Variants in KIR3DL2 observed in about 807,000 individuals in gnomAD.
The protein encoded by KIR3DL2 is killer cell immunoglobulin-like receptor 3DL2.
In KIR3DL2, 42 loss-of-function variants were observed where a neutral mutation model predicts 41.6. The observed-to-expected ratio is 1.01, with a 90% confidence interval of 0.79 to 1.31. KIR3DL2 has a LOEUF of 1.31. Among genes scored for constraint, KIR3DL2 ranks in the 50% most tolerant of loss-of-function variants. The pLI, the probability that KIR3DL2 is intolerant of heterozygous loss-of-function variation, is 0.00. For missense variants in KIR3DL2, 728 were observed against 576.8 expected (o/e 1.26, Z -2.68); for synonymous variants, 230 against 221.3 (o/e 1.04, Z -0.35).
Position 54,856,375 on chromosome 19 carries a change from C to G in KIR3DL2, c.949+463C>G, listed in dbSNP as rs977909022. Among the ~76,000 whole-genome samples the G allele has an allele frequency of 3.3e-5, 5 of 151,780 alleles. 1 individual carries two copies. The highest frequency in any genetic ancestry group is 1.2e-4 in the African/African-American group (5 of 41,112). On this transcript the variant is annotated intron_variant, in intron 5 of 8. Coordinates refer to ENST00000326321, the MANE Select transcript of KIR3DL2 (RefSeq NM_006737.4). ...ACTTTACCATTTTTAAAAGTAAAAT[C>G]TAGTGGTCATAAATACCTTTATATG...
At position 54,855,519 on chromosome 19, in the gene KIR3DL2, C is replaced by T. The variant is rs2064675191; in HGVS notation, c.656-100C>T. The T allele has an allele frequency of 2.0e-6, 3 of 1,463,822 alleles. No individual in the cohort carries two copies. The Admixed American group carries it at 6.7e-5, about 33-fold the overall frequency. 90.7% of individuals were successfully genotyped at this position (1,463,822 alleles called of 1,614,324 possible). Reference sequence around the variant, plus strand: ...GGTGGAGGGTGAGAGAGAGAGAGAGCATTAGGTCATAGAGCAGGGGAGTGA... The same window carrying T: ...GGTGGAGGGTGAGAGAGAGAGAGAGTATTAGGTCATAGAGCAGGGGAGTGA... On this transcript the variant is annotated intron_variant, in intron 4 of 8. Transcript: ENST00000326321.
chr19:54,851,258 G>T lies in KIR3DL2; in HGVS notation c.70+3G>T. 8 of 1,608,624 alleles carry T rather than the reference G, an allele frequency of 5.0e-6. 1 individual carries two copies. In the South Asian group the frequency reaches 8.8e-5, roughly 18 times the overall value. ...GCAGGGGGCCTGGCCACTCATGGGTGAGTCCGTCCCCAAACCTTAGGGTGT... is the reference window on the plus strand; with the variant it reads ...GCAGGGGGCCTGGCCACTCATGGGTTAGTCCGTCCCCAAACCTTAGGGTGT... On this transcript the variant is annotated splice_donor_region_variant and intron_variant, in intron 2 of 8. Transcript: ENST00000326321.
chr19:54,854,283 G>A (rs1183761729), intron 4 of KIR3DL2, among the ~76,000 whole-genome samples: 1 of 151,728 alleles, frequency 6.6e-6, no homozygotes, highest in Non-Finnish European at 1.5e-5. Flanking sequence ...AGAGAAAGAG[G>A]TAAAGGAGAC....
At chr19:54,855,257 T>A (rs1329030620) in intron 4 of KIR3DL2, among the ~76,000 whole-genome samples, 1 of 149,886 alleles carries the variant, frequency 6.7e-6, no homozygotes. Flanking sequence ...AATTTGTAGA[T>A]AGACACAAAA....
chr19:54,855,477 G>A (rs2064669668), intron 4 of KIR3DL2, 142 bp from the exon 5 acceptor site: 11 of 1,297,154 alleles, frequency 8.5e-6, no homozygotes, highest in Non-Finnish European at 1.2e-5. Context: ...GGAGGAAATA[G>A]ACATGAAGAG....
At position 54,866,595 on chromosome 19, in the gene KIR3DL2, T is replaced by C. The variant is rs772805992; in HGVS notation, c.1232T>C (p.Ile411Thr). 2 of 1,613,874 alleles carry C rather than the reference T, an allele frequency of 1.2e-6. No individual in the cohort carries two copies. Residue 411 changes from isoleucine to threonine, a missense_variant, in exon 9 of 9, where the codon ATC (isoleucine) becomes ACC (threonine). Ile to Thr is a moderately conservative substitution (Grantham distance 89). Coordinates refer to ENST00000326321, the MANE Select transcript of KIR3DL2 (RefSeq NM_006737.4). ...CACTGCGTTTTCATACAGAGAAAAA[T>C]CAGTCGCCCTTCTCAGAGGCCCAAG... Reference protein sequence around the residue: ...LDHCVFIQRKISRPSQRPKTP... With the variant: ...LDHCVFIQRKTSRPSQRPKTP...
rs377397926 is a variant in KIR3DL2 at position 54,853,065 on chromosome 19, A to G, written c.356-682A>G. On this transcript the variant is annotated intron_variant, in intron 3 of 8. Coordinates refer to ENST00000326321, the MANE Select transcript of KIR3DL2 (RefSeq NM_006737.4). ...GCAGAGGTTGCAGTGAGCCAAGACA[A>G]CACCACTGCACTCCAGCCTGGGTGA... 8.5e-4 allele frequency among the ~76,000 whole-genome samples: 129 copies of G among 151,274 alleles called. 1 individual carries two copies. The Middle Eastern group carries it at 0.02, about 24-fold the overall frequency.
In KIR3DL2 at chr19:54,865,860, C is replaced by G. The variant is rs1406327041; in HGVS notation, c.1056C>G (p.Phe352Leu). Residue 352 changes from phenylalanine to leucine, a missense_variant, in exon 7 of 9, where the codon TTC (phenylalanine) becomes TTG (leucine). Transcript: ENST00000326321. Reference protein sequence around the residue: ...LIGTSVVIFLFILLLFFLLYR... With the variant: ...LIGTSVVIFLLILLLFFLLYR... ...GGACCTCAGTGGTCATCTTCCTCTTCATCCTCCTCCTCTTCTTTCTCCTTT... is the reference window on the plus strand; with the variant it reads ...GGACCTCAGTGGTCATCTTCCTCTTGATCCTCCTCCTCTTCTTTCTCCTTT... The G allele has an allele frequency of 6.2e-7, 1 of 1,613,868 alleles. No homozygotes were observed. The highest frequency in any genetic ancestry group is 1.7e-5 in the Admixed American group (1 of 60,028).
At chr19:54,850,547 G>A (rs2064095998) in intron 1 of KIR3DL2, 38 bp downstream of exon 1, 3 of 1,607,376 alleles carry the variant, frequency 1.9e-6, no homozygotes, top group Non-Finnish European at 2.5e-6. Flanking sequence ...GGAGAGTGGG[G>A]ATGGAGATCT....
intron 5 of KIR3DL2, 97 bp from the exon 6 acceptor site, chr19:54,858,982 A>G (rs2064989214): frequency 4.4e-6 from 5 of 1,130,016 alleles, no homozygotes; most frequent in Non-Finnish European, 6.6e-6. Context: ...CCAACATTAG[A>G]TAACAGAGTG....
At chr19:54,859,822 A>G (rs1398240596) in intron 6 of KIR3DL2, among the ~76,000 whole-genome samples, 1 of 152,076 alleles carries the variant, frequency 6.6e-6, no homozygotes, top group Non-Finnish European at 1.5e-5. Context: ...GGTTCCAGGC[A>G]AGAATCTGCT....
chr19:54,856,459 T>C (rs2064788202), intron 5 of KIR3DL2, among the ~76,000 whole-genome samples: 1 of 151,628 alleles, frequency 6.6e-6, no homozygotes. Flanking sequence ...GAAAGGTGGA[T>C]CATTTAAGAT....
intron 6 of KIR3DL2, among the ~76,000 whole-genome samples, chr19:54,863,759 C>G (rs1439109795): frequency 6.6e-6 from 1 of 151,840 alleles, no homozygotes; most frequent in Admixed American, 6.6e-5. Flanking sequence ...GATATTAGCC[C>G]TTTGTCAGAT....
intron 5 of KIR3DL2, among the ~76,000 whole-genome samples, chr19:54,857,755 T>A (rs1273113713): frequency 2.4e-4 from 36 of 151,656 alleles, no homozygotes; most frequent in South Asian, 1.7e-3. Flanking sequence ...TTTCTCCATG[T>A]TGGTCAGGCT....
rs2064671659 is a variant in KIR3DL2 at position 54,855,492 on chromosome 19, G to T, written c.656-127G>T. 14 of 1,373,304 alleles carry T rather than the reference G, an allele frequency of 1.0e-5. No individual in the cohort carries two copies. In the South Asian group the frequency reaches 2.0e-4, roughly 19 times the overall value. The allele number at this position is 1,373,304 out of a possible 1,614,324, so 85.1% of individuals were successfully genotyped here. A position where few individuals can be genotyped will look rare whatever the true frequency, so the allele number is the denominator to read the frequency against. On this transcript the variant is annotated intron_variant, in intron 4 of 8. Transcript: ENST00000326321. ...GGAGGAAATAGACATGAAGAGAGTT[G>T]GGGTGGAGGGTGAGAGAGAGAGAGA...
At chr19:54,859,250 G>A (rs1283396896) in intron 6 of KIR3DL2, 121 bp downstream of exon 6, 5 of 968,616 alleles carry the variant, frequency 5.2e-6, no homozygotes, top group Non-Finnish European at 6.6e-6. Context: ...CACCATCTCT[G>A]AACTCCAGAC....
Position 54,860,665 on chromosome 19 carries a change from G to A in KIR3DL2, c.1000+1536G>A, listed in dbSNP as rs763775634. 6.9e-3 allele frequency among the ~76,000 whole-genome samples: 1,055 copies of A among 151,804 alleles called. 9 individuals are homozygous for A. The highest frequency in any genetic ancestry group is 0.014 in the Middle Eastern group (4 of 294). On this transcript the variant is annotated intron_variant, in intron 6 of 8. Coordinates refer to ENST00000326321, the MANE Select transcript of KIR3DL2 (RefSeq NM_006737.4). ...GCTGGGATAAGAGGCATGAGCCACG[G>A]GGCCAAGCCAAATTTTCAAATCAAT...
At chr19:54,859,266 A>C (rs1444523350) in intron 6 of KIR3DL2, 137 bp downstream of exon 6, 1 of 925,584 alleles carries the variant, frequency 1.1e-6, no homozygotes, top group African/African-American at 1.7e-5. Context: ...CAGACACTCC[A>C]ACAGTGAAAG....
chr19:54,866,699 G>A lies in KIR3DL2; in HGVS notation c.1336G>A (p.Ala446Thr). ...PRSKVVSCPR[A>T]PQSGLEGVF is the part of the protein sequence containing the mutation. ...ATCCAAAGTTGTCTCCTGCCCACGA[G>A]CACCACAGTCAGGTCTTGAGGGGGT... The change falls in exon 9 of 9, where the codon GCA becomes ACA. Residue 446 changes from alanine (A) to threonine (T), a missense_variant. Coordinates refer to ENST00000326321, the MANE Select transcript of KIR3DL2 (RefSeq NM_006737.4). The A allele has an allele frequency of 6.2e-7, 1 of 1,613,908 alleles. No individual in the cohort carries two copies. The highest frequency in any genetic ancestry group is 8.5e-7 in the Non-Finnish European group (1 of 1,179,956).
Sources: gnomAD v4.1 joint callset for allele counts (sites outside exome capture counted in the v4.1 genomes callset) on GRCh38, gnomAD v4.1.1 for gene constraint, MANE v1.5 for transcripts, NCBI Gene and HGNC (gene_info 2026-07-23, HGNC 2026-07-21) for gene names.